ZNF420: variants seen among roughly 807,000 people sequenced by gnomAD.
The protein encoded by ZNF420 is zinc finger protein 420.
Under a neutral mutation model 44.7 loss-of-function variants are expected in ZNF420, and 31 were observed. The observed-to-expected ratio is 0.69, with a 90% CI of 0.52 to 0.94. The LOEUF is 0.94. ZNF420 is among the 40% of genes least tolerant of loss of function. ZNF420 has a pLI of 0.00. For missense variants in ZNF420, 681 were observed against 827.9 expected, an observed-to-expected ratio of 0.82 and a Z score of 2.18; for synonymous variants, 245 against 267.4, an observed-to-expected ratio of 0.92 and a Z score of 0.82.
At chr19:37,124,252 A>G (rs1241811316) in intron 4 of ZNF420, among the ~76,000 whole-genome samples, 3 of 152,186 alleles carry the variant, frequency 2.0e-5, no homozygotes, top group East Asian at 1.9e-4. Flanking sequence ...GCATGGATCA[A>G]TTTGTTTCTG....
chr19:37,087,283 AAAAAAAAAAAT>A (rs1387615996), intron 2 of ZNF420, among the ~76,000 whole-genome samples: 1,907 of 49,984 alleles, frequency 0.038, 58 homozygotes, highest in African/African-American at 0.17. Flanking sequence ...ACCCTGTCTC[AAAAAAAAAAAT>A]AAATAAATAA....
intron 1 of ZNF420, among the ~76,000 whole-genome samples, chr19:37,027,766 T>C (rs2146392717): frequency 6.6e-6 from 1 of 152,356 alleles, no homozygotes; most frequent in East Asian, 1.9e-4. Context: ...GGTTCATTTC[T>C]TTTTATTCCT....
intron 4 of ZNF420, among the ~76,000 whole-genome samples, chr19:37,104,765 G>C (rs1042920318): frequency 2.0e-5 from 3 of 151,886 alleles, no homozygotes; most frequent in Non-Finnish European, 4.4e-5. Context: ...CCATGTGTCT[G>C]TTGGCTGCAT....
At chr19:37,053,381 C>T (rs943012626) in intron 1 of ZNF420, among the ~76,000 whole-genome samples, 1 of 152,200 alleles carries the variant, frequency 6.6e-6, no homozygotes, top group African/African-American at 2.4e-5. Flanking sequence ...ATTTTCCATC[C>T]AGCTTTGTTC....
In ZNF420 at chr19:37,089,071, G is replaced by T; in HGVS notation, c.-48G>T. 6.3e-7 allele frequency: 1 copy of T among 1,597,050 alleles called. No homozygotes were observed. The highest frequency in any genetic ancestry group is 8.6e-7 in the Non-Finnish European group (1 of 1,164,466). The stretch of plus-strand genomic sequence containing the variant: ...TTCTCCAGACTCTGTGCTTTCCTAA[G>T]ATAGGAACCCAGAAGAGGACTGATC... On this transcript the variant is annotated 5_prime_UTR_variant, in exon 3 of 5. Transcript: ENST00000337995.
At chr19:37,037,700 C>T (rs1967383597) in intron 1 of ZNF420, among the ~76,000 whole-genome samples, 1 of 152,174 alleles carries the variant, frequency 6.6e-6, no homozygotes, top group South Asian at 2.1e-4. Context: ...TCCATGGCAG[C>T]AGCCTCAATA....
intron 1 of ZNF420, among the ~76,000 whole-genome samples, chr19:37,054,907 A>G (rs1967713010): frequency 6.6e-6 from 1 of 152,232 alleles, no homozygotes; most frequent in Admixed American, 6.5e-5. Context: ...AAGTTAGAGC[A>G]GCAGGTCCTT....
At position 37,130,171 on chromosome 19, in the gene ZNF420, T is replaced by G. The variant is rs760672889; in HGVS notation, c.*1113T>G. 3 of 1,550,352 alleles carry G rather than the reference T, an allele frequency of 1.9e-6. No homozygotes were observed. The highest frequency in any genetic ancestry group is 2.6e-6 in the Non-Finnish European group (3 of 1,146,890). On this transcript the variant is annotated 3_prime_UTR_variant, in exon 5 of 5. Transcript: ENST00000337995. Reference sequence around the variant, plus strand: ...GGAGCTCCGTTACTCTCATGGGGACTTTGAGAATGGTATCTGGGTGTTATG... The same window carrying G: ...GGAGCTCCGTTACTCTCATGGGGACGTTGAGAATGGTATCTGGGTGTTATG...
chr19:37,114,311 G>A (rs1452673118), intron 4 of ZNF420, among the ~76,000 whole-genome samples: 1 of 151,996 alleles, frequency 6.6e-6, no homozygotes, highest in Non-Finnish European at 1.5e-5. Flanking sequence ...GGGGGCGGCT[G>A]ATCCTGAAGT....
chr19:37,087,511 C>T (rs1968884461), intron 2 of ZNF420, among the ~76,000 whole-genome samples: 1 of 152,014 alleles, frequency 6.6e-6, no homozygotes, highest in Non-Finnish European at 1.5e-5. Context: ...GTCAAATTTT[C>T]AGTTAAAAAT....
intron 4 of ZNF420, among the ~76,000 whole-genome samples, chr19:37,103,910 T>A (rs1969917824): frequency 6.6e-6 from 1 of 152,094 alleles, no homozygotes; most frequent in Admixed American, 6.6e-5. Context: ...TCTTTGCTAC[T>A]TTTTACAGAA....
intron 4 of ZNF420, among the ~76,000 whole-genome samples, chr19:37,121,161 T>C (rs565227377): frequency 5.5e-4 from 81 of 146,066 alleles, no homozygotes; most frequent in African/African-American, 1.9e-3. Context: ...GAGCCCGCAT[T>C]GCCAAGTCAA....
chr19:37,065,923 T>C, intron 1 of ZNF420, among the ~76,000 whole-genome samples: 1 of 152,134 alleles, frequency 6.6e-6, no homozygotes, highest in East Asian at 1.9e-4. Context: ...CTTCAACCCC[T>C]ACCTGCCACC....
At chr19:37,126,606 C>G (rs1971359396) in intron 4 of ZNF420, among the ~76,000 whole-genome samples, 1 of 152,154 alleles carries the variant, frequency 6.6e-6, no homozygotes, top group Admixed American at 6.5e-5. Context: ...GATTCACTAG[C>G]AGTTAGTCTG....
chr19:37,040,258 T>A (rs1480999822), intron 1 of ZNF420, among the ~76,000 whole-genome samples: 1 of 152,202 alleles, frequency 6.6e-6, no homozygotes, highest in South Asian at 2.1e-4. Context: ...CTTCCTTCCT[T>A]AAACATCGTG....
At chr19:37,091,367 G>T in intron 4 of ZNF420, 1 of 268,442 alleles carries the variant, frequency 3.7e-6, no homozygotes, top group Non-Finnish European at 7.0e-6. Flanking sequence ...TTTGAAGTTT[G>T]GGATACTTGG....
chr19:37,085,607 C>G (rs1968714189), intron 2 of ZNF420, among the ~76,000 whole-genome samples: 1 of 152,180 alleles, frequency 6.6e-6, no homozygotes, highest in African/African-American at 2.4e-5. Context: ...ACCCAGGCAC[C>G]TCCATTAGGA....
At position 37,056,230 on chromosome 19, in the gene ZNF420, C is replaced by T. The variant is rs146625024; in HGVS notation, c.-124-24115C>T. On this transcript the variant is annotated intron_variant, in intron 1 of 4. Transcript: ENST00000587029. ...GGGGTGAACTTTGCAGAAACCTCTTCGCTCCTCTGACAGGCATCCCAAAAT... is the reference window on the plus strand; with the variant it reads ...GGGGTGAACTTTGCAGAAACCTCTTTGCTCCTCTGACAGGCATCCCAAAAT... Among the ~76,000 whole-genome samples, 51 of 152,214 alleles carry T rather than the reference C, an allele frequency of 3.4e-4. No homozygotes were observed. The East Asian group carries it at 9.5e-3, about 28-fold the overall frequency.
At chr19:37,017,021 T>C (rs749342959) in intron 1 of ZNF420, among the ~76,000 whole-genome samples, 1 of 152,280 alleles carries the variant, frequency 6.6e-6, no homozygotes, top group East Asian at 1.9e-4. Context: ...ATTCTTACTA[T>C]TGTGGGGGGA....
Sources: gnomAD v4.1 joint callset for allele counts (sites outside exome capture counted in the v4.1 genomes callset) on GRCh38, gnomAD v4.1.1 for gene constraint, MANE v1.5 for transcripts, NCBI Gene and HGNC (gene_info 2026-07-23, HGNC 2026-07-21) for gene names.